Variants in AGK observed in about 807,000 individuals in gnomAD.
The protein encoded by AGK is acylglycerol kinase.
A neutral mutation model predicts 66.4 loss-of-function variants in AGK; 52 were observed. The observed-to-expected ratio is 0.78, with a 90% CI of 0.63 to 0.99. The LOEUF (loss-of-function observed/expected upper bound fraction) is 0.99, where lower values mean the gene tolerates loss of function less well. Among genes scored for constraint, AGK ranks in the 50% least tolerant of loss-of-function variants. The pLI is 0.00. For synonymous variants in AGK, 182 were observed against 181.1 expected (o/e 1.00, Z -0.04); for missense variants, 451 against 506.6 (o/e 0.89, Z 1.05).
intron 2 of AGK, among the ~76,000 whole-genome samples, chr7:141,556,274 C>T (rs1795208406): frequency 6.6e-6 from 1 of 152,098 alleles, no homozygotes; most frequent in Non-Finnish European, 1.5e-5. Flanking sequence ...CGGTGGGGCG[C>T]AGTGGCTCAT....
intron 2 of AGK, among the ~76,000 whole-genome samples, chr7:141,590,909 G>T (rs995169194): frequency 3.8e-4 from 58 of 152,000 alleles, no homozygotes; most frequent in Admixed American, 3.8e-3. Flanking sequence ...GTTGCACAAC[G>T]CTCTTTGCCA....
intron 1 of AGK, among the ~76,000 whole-genome samples, chr7:141,552,401 GT>G (rs546123944): frequency 1.8e-4 from 28 of 152,276 alleles, no homozygotes; most frequent in Middle Eastern, 6.8e-3. Flanking sequence ...CTAAACCACT[GT>G]TTCTCAAAGT....
intron 8 of AGK, chr7:141,616,332 C>T (rs1796700758): frequency 6.6e-6 from 1 of 152,140 alleles, no homozygotes; most frequent in African/African-American, 2.4e-5. Flanking sequence ...CTTTGTGACA[C>T]ATTGGAGGAA....
At chr7:141,597,890 C>CAAAAAAAAAAAAAAAA (rs56295907) in intron 4 of AGK, among the ~76,000 whole-genome samples, 4 of 71,434 alleles carry the variant, frequency 5.6e-5, no homozygotes, top group East Asian at 3.3e-4. Context: ...GACTCTGTCT[C>CAAAAAAAAAAAAAAAA]AAAAAAAAAA....
intron 2 of AGK, chr7:141,562,059 G>A (rs1427652701): frequency 4.4e-6 from 2 of 456,378 alleles, no homozygotes; most frequent in South Asian, 3.1e-5. Flanking sequence ...TGCTGTGGTG[G>A]AGGTGGCAGG....
At chr7:141,649,141 T>A in intron 13 of AGK, 122 bp from the exon 14 acceptor site, 2 of 450,836 alleles carry the variant, frequency 4.4e-6, no homozygotes, top group East Asian at 3.7e-5. Flanking sequence ...ATTAAATCAC[T>A]ACAAGTAGAG....
chr7:141,555,616 C>A lies in AGK; in HGVS notation c.101+49C>A. 7.4e-7 allele frequency: 1 copy of A among 1,347,556 alleles called. No individual in the cohort carries two copies. The highest frequency in any genetic ancestry group is 1.1e-6 in the Non-Finnish European group (1 of 948,206). The allele number at this position is 1,347,556 out of a possible 1,614,324, so 83.5% of individuals were successfully genotyped here. ...CACCTTTGCATCTGCAGCAAAACAG[C>A]CCCAAAGGGCCTCAGGTTAAAATCT... is the stretch of plus-strand genomic sequence containing the variant. On this transcript the variant is annotated intron_variant, in intron 2 of 15. Coordinates refer to ENST00000649286, the MANE Select transcript of AGK (RefSeq NM_018238.4). This position sits in a 1 kb window ranked among gnomAD's most constrained non-coding sequence, Gnocchi z 4.2.
At chr7:141,589,563 ATT>A (rs111279199) in intron 2 of AGK, among the ~76,000 whole-genome samples, 1 of 144,652 alleles carries the variant, frequency 6.9e-6, no homozygotes. Context: ...GTTAAGTATG[ATT>A]TTTTTTTTTT....
intron 1 of AGK, among the ~76,000 whole-genome samples, chr7:141,552,555 A>G (rs1399656563): frequency 6.6e-6 from 1 of 152,214 alleles, no homozygotes; most frequent in Non-Finnish European, 1.5e-5. Context: ...GTTCTGCACT[A>G]AAGGTTGAGA....
intron 2 of AGK, among the ~76,000 whole-genome samples, chr7:141,589,842 G>T (rs575967935): frequency 3.3e-5 from 5 of 152,296 alleles, no homozygotes; most frequent in Middle Eastern, 3.4e-3. Context: ...TTACAAGCAT[G>T]AGTCACTGTG....
chr7:141,639,253 AG>A (rs1797235444), intron 11 of AGK, among the ~76,000 whole-genome samples: 1 of 152,220 alleles, frequency 6.6e-6, no homozygotes, highest in African/African-American at 2.4e-5. Flanking sequence ...AGTGATGTAA[AG>A]AAGTGGAGAC....
chr7:141,641,499 A>T, intron 12 of AGK, 101 bp downstream of exon 12: 13 of 1,341,262 alleles, frequency 9.7e-6, no homozygotes, highest in Non-Finnish European at 1.3e-5. Flanking sequence ...CTAGAGCAGG[A>T]GAAGCCTCTC....
chr7:141,579,819 C>G (rs1372860102), intron 2 of AGK, among the ~76,000 whole-genome samples: 1 of 151,964 alleles, frequency 6.6e-6, no homozygotes, highest in Non-Finnish European at 1.5e-5. Flanking sequence ...GAGATATTTT[C>G]CTTGGTCTAA....
intron 10 of AGK, among the ~76,000 whole-genome samples, chr7:141,636,050 G>A (rs750815491): frequency 3.9e-5 from 6 of 152,126 alleles, no homozygotes; most frequent in African/African-American, 7.2e-5. Context: ...ATTTTATGCC[G>A]TTTTCTAATT....
intron 2 of AGK, among the ~76,000 whole-genome samples, chr7:141,572,330 A>T (rs1013929359): frequency 4.6e-5 from 7 of 152,236 alleles, no homozygotes; most frequent in Admixed American, 4.6e-4. Flanking sequence ...TGATGGCATT[A>T]GGAATGGAAG....
At chr7:141,651,645 ATTCG>A (rs746255191) in intron 15 of AGK, 36 bp downstream of exon 15, 3 of 1,590,294 alleles carry the variant, frequency 1.9e-6, no homozygotes, top group South Asian at 2.2e-5. Context: ...ACAGCATTTG[ATTCG>A]TTCGTCATCG....
chr7:141,640,806 G>A (rs1046376481), intron 11 of AGK, among the ~76,000 whole-genome samples: 1 of 152,152 alleles, frequency 6.6e-6, no homozygotes, highest in Non-Finnish European at 1.5e-5. Context: ...GAGAAGCCTT[G>A]GGCTGGATTG....
intron 9 of AGK, among the ~76,000 whole-genome samples, chr7:141,623,737 A>G (rs1348602937): frequency 6.6e-6 from 1 of 152,226 alleles, no homozygotes; most frequent in Non-Finnish European, 1.5e-5. Context: ...AGGTACCCAT[A>G]CTAAACAACA....
At chr7:141,640,190 G>A (rs1797257668) in intron 11 of AGK, among the ~76,000 whole-genome samples, 1 of 152,166 alleles carries the variant, frequency 6.6e-6, no homozygotes, top group Non-Finnish European at 1.5e-5. Context: ...GTGGAGGACA[G>A]AGCACAGATA....
Sources: gnomAD v4.1 joint callset for allele counts (sites outside exome capture counted in the v4.1 genomes callset) on GRCh38, gnomAD v4.1.1 for gene constraint, Gnocchi (gnomAD v3.1) non-coding constraint, MANE v1.5 for transcripts, NCBI Gene and HGNC (gene_info 2026-07-23, HGNC 2026-07-21) for gene names.